The following STX8 variants were observed in gnomAD, a reference collection of about 807,000 sequenced individuals.
STX8 encodes the protein syntaxin 8, also known as syntaxin-8.
A neutral mutation model predicts 37.5 loss-of-function variants in STX8; 23 were observed. The ratio of observed to expected loss-of-function variants is 0.61; its 90% confidence interval spans 0.44 to 0.87. The LOEUF is 0.87. Ranked by LOEUF, STX8 falls within the 40% of genes least tolerant of loss-of-function variation. The pLI is 0.00. For synonymous variants in STX8, 115 were observed against 99.1 expected, an observed-to-expected ratio of 1.16 and a Z score of -0.95; for missense variants, 313 against 284.7, an observed-to-expected ratio of 1.10 and a Z score of -0.71.
chr17:9,319,312 A>G (rs538559448), intron 7 of STX8, among the ~76,000 whole-genome samples: 1 of 152,128 alleles, frequency 6.6e-6, no homozygotes, highest in East Asian at 1.9e-4. Context: ...CCAGCTACTC[A>G]GGAGGCTGAG....
intron 6 of STX8, among the ~76,000 whole-genome samples, chr17:9,476,127 C>T (rs1205280881): frequency 4.6e-5 from 7 of 152,124 alleles, no homozygotes; most frequent in African/African-American, 7.2e-5. Flanking sequence ...TGCAGTGAGG[C>T]GAGATCGTGC....
At chr17:9,330,233 A>C (rs188989769) in intron 7 of STX8, among the ~76,000 whole-genome samples, 4 of 152,350 alleles carry the variant, frequency 2.6e-5, no homozygotes, top group African/African-American at 9.6e-5. Context: ...ACCACTGCTC[A>C]CAGCCTTCCA....
intron 3 of STX8, among the ~76,000 whole-genome samples, chr17:9,548,094 T>C (rs948864488): frequency 6.7e-6 from 1 of 148,872 alleles, no homozygotes. Context: ...ACCTTATACA[T>C]TCTTTCTTTA....
chr17:9,561,807 A>C (rs573826568), intron 2 of STX8, among the ~76,000 whole-genome samples: 10 of 152,218 alleles, frequency 6.6e-5, no homozygotes, highest in African/African-American at 2.2e-4. Context: ...ATTCTGCAAT[A>C]TATGTGTTCA....
chr17:9,314,919 T>C (rs992734811), intron 7 of STX8, among the ~76,000 whole-genome samples: 4 of 149,420 alleles, frequency 2.7e-5, no homozygotes, highest in African/African-American at 7.4e-5. Context: ...CTGGCCAACA[T>C]GGTGAAACCC....
intron 6 of STX8, among the ~76,000 whole-genome samples, chr17:9,466,078 C>T (rs1296110473): frequency 1.3e-5 from 2 of 152,054 alleles, no homozygotes; most frequent in African/African-American, 4.8e-5. Flanking sequence ...TCAAGTGATT[C>T]TCCTGCCTCA....
At chr17:9,255,372 C>T (rs910234463) in intron 7 of STX8, among the ~76,000 whole-genome samples, 1 of 151,894 alleles carries the variant, frequency 6.6e-6, no homozygotes, top group Non-Finnish European at 1.5e-5. Context: ...ACTAAAAATA[C>T]AAAAATTAAC....
chr17:9,480,896 T>G (rs1232487542), intron 6 of STX8, among the ~76,000 whole-genome samples: 1 of 144,950 alleles, frequency 6.9e-6, no homozygotes, highest in Non-Finnish European at 1.5e-5. Context: ...CTTTCTTTCT[T>G]TTTTTTGAGG....
chr17:9,474,295 A>T (rs1315631498), intron 6 of STX8, among the ~76,000 whole-genome samples: 1 of 152,160 alleles, frequency 6.6e-6, no homozygotes, highest in African/African-American at 2.4e-5. Context: ...TGTAATAGTA[A>T]GTATAGTGCT....
intron 7 of STX8, among the ~76,000 whole-genome samples, chr17:9,260,813 C>G (rs1906991848): frequency 6.6e-6 from 1 of 152,220 alleles, no homozygotes; most frequent in South Asian, 2.1e-4. Flanking sequence ...CAGGCCCCTA[C>G]CTGGAGAGAA....
At chr17:9,452,924 A>G (rs903863950) in intron 6 of STX8, among the ~76,000 whole-genome samples, 4 of 151,036 alleles carry the variant, frequency 2.6e-5, no homozygotes, top group African/African-American at 9.7e-5. Flanking sequence ...TCTTGCCTCA[A>G]CCTCCCCAGT....
intron 7 of STX8, among the ~76,000 whole-genome samples, chr17:9,262,954 G>A (rs1907098372): frequency 6.6e-6 from 1 of 152,184 alleles, no homozygotes; most frequent in Non-Finnish European, 1.5e-5. Flanking sequence ...AGAGTGATCA[G>A]CAAAAATCAC....
intron 7 of STX8, among the ~76,000 whole-genome samples, chr17:9,333,879 C>T (rs1168901355): frequency 6.6e-6 from 1 of 152,178 alleles, no homozygotes; most frequent in Non-Finnish European, 1.5e-5. Flanking sequence ...GTTCACCTTA[C>T]CTGCTGCCTA....
chr17:9,492,939 C>CA (rs1053987471), intron 5 of STX8, among the ~76,000 whole-genome samples: 28 of 151,196 alleles, frequency 1.9e-4, no homozygotes, highest in Admixed American at 8.6e-4. Flanking sequence ...ACTAAAAATA[C>CA]AAAAAAAAAT....
At chr17:9,257,655 C>G (rs979573220) in intron 7 of STX8, among the ~76,000 whole-genome samples, 2 of 152,170 alleles carry the variant, frequency 1.3e-5, no homozygotes, top group African/African-American at 4.8e-5. Flanking sequence ...AGGAAAGCCG[C>G]CTTAGCTGCC....
chr17:9,563,472 C>A (rs887843905), intron 2 of STX8, among the ~76,000 whole-genome samples: 1 of 152,080 alleles, frequency 6.6e-6, no homozygotes, highest in African/African-American at 2.4e-5. Context: ...GCGTGAGTCA[C>A]CGCGCCTGGC....
At chr17:9,314,917 C>G (rs1909327812) in intron 7 of STX8, among the ~76,000 whole-genome samples, 1 of 150,826 alleles carries the variant, frequency 6.6e-6, no homozygotes, top group Non-Finnish European at 1.5e-5. Context: ...TCCTGGCCAA[C>G]ATGGTGAAAC....
intron 4 of STX8, among the ~76,000 whole-genome samples, chr17:9,536,834 T>C (rs940823871): frequency 6.6e-6 from 1 of 151,684 alleles, no homozygotes; most frequent in South Asian, 2.1e-4. Context: ...ACCTCCACCT[T>C]CTGGTTTCAA....
At chr17:9,486,194 A>C (rs72818055) in intron 6 of STX8, among the ~76,000 whole-genome samples, 18,739 of 152,208 alleles carry the variant, frequency 0.12, 1,219 homozygotes, top group Admixed American at 0.14. Flanking sequence ...AAGATCTTAG[A>C]TTCCAAACAG....
Sources: allele counts gnomAD v4.1 joint callset (sites outside exome capture counted in the v4.1 genomes callset), GRCh38; gene constraint gnomAD v4.1.1; transcripts MANE v1.5; gene names NCBI Gene and HGNC (gene_info 2026-07-23, HGNC 2026-07-21).